Variants in CTNND2 observed in about 807,000 individuals in gnomAD.
CTNND2 encodes the protein catenin delta 2, also known as catenin delta-2.
A neutral mutation model predicts 144.4 loss-of-function variants in CTNND2; 22 were observed. The ratio of observed to expected loss-of-function variants is 0.15; its 90% CI spans 0.11 to 0.22. CTNND2 has a LOEUF of 0.22. CTNND2 is among the 10% of genes least tolerant of loss of function. CTNND2 has a pLI of 1.00. For missense variants in CTNND2, 1,353 were observed against 1,618.8 expected (o/e 0.84, Z 2.82); for synonymous variants, 751 against 695.6 (o/e 1.08, Z -1.25).
intron 9 of CTNND2, among the ~76,000 whole-genome samples, chr5:11,322,719 T>C (rs969171478): frequency 2.0e-5 from 3 of 152,210 alleles, no homozygotes; most frequent in Non-Finnish European, 4.4e-5. Flanking sequence ...TAGAACAAAA[T>C]ATATTTGTCA....
rs545486562 is a variant in CTNND2 at position 11,690,430 on chromosome 5, T to C, written c.174+41706A>G. On this transcript the variant is annotated intron_variant, in intron 2 of 21. Transcript: ENST00000304623. ...GCAAAATGAAAAGCACATCAGGTTC[T>C]GTAACTCCTTCTATTCACCTACGAT... is the stretch of plus-strand genomic sequence containing the variant. Among the ~76,000 whole-genome samples the C allele has an allele frequency of 3.9e-5, 6 of 152,328 alleles. No individual in the cohort carries two copies. The South Asian group carries it at 1.2e-3, about 32-fold the overall frequency.
At chr5:11,573,064 T>C (rs1420327976) in intron 2 of CTNND2, among the ~76,000 whole-genome samples, 1 of 152,162 alleles carries the variant, frequency 6.6e-6, no homozygotes, top group Non-Finnish European at 1.5e-5. Context: ...TTAGACTGCT[T>C]GTTACAGTTC....
intron 11 of CTNND2, among the ~76,000 whole-genome samples, chr5:11,189,132 C>A (rs190294): frequency 0.032 from 4,813 of 152,258 alleles, 244 homozygotes; most frequent in African/African-American, 0.11. Flanking sequence ...GTTCACTCCT[C>A]TACATATGAA....
At chr5:11,048,859 G>A (rs1373397906) in intron 16 of CTNND2, among the ~76,000 whole-genome samples, 1 of 152,158 alleles carries the variant, frequency 6.6e-6, no homozygotes, top group Non-Finnish European at 1.5e-5. Context: ...ATCTGGAGCC[G>A]GGTTCCTCCA....
chr5:11,500,353 G>C (rs1158248285), intron 3 of CTNND2, among the ~76,000 whole-genome samples: 1 of 152,014 alleles, frequency 6.6e-6, no homozygotes, highest in Non-Finnish European at 1.5e-5. Context: ...CTAAACATCA[G>C]TTATTAAAAT....
chr5:11,636,619 G>A (rs1757310145), intron 2 of CTNND2, among the ~76,000 whole-genome samples: 1 of 152,140 alleles, frequency 6.6e-6, no homozygotes, highest in African/African-American at 2.4e-5. Flanking sequence ...AGTTAACTCT[G>A]ACTGAAAAAG....
At chr5:11,892,310 G>A (rs368810798) in intron 1 of CTNND2, among the ~76,000 whole-genome samples, 37 of 152,222 alleles carry the variant, frequency 2.4e-4, no homozygotes, top group African/African-American at 7.9e-4. Context: ...TTGTCTTCTC[G>A]ATGCCTTCTA....
rs371631900 is a variant in CTNND2, at chr5:11,903,741, C to G, written c.37+76G>C. 7.1e-6 allele frequency: 10 copies of G among 1,414,040 alleles called. No individual in the cohort carries two copies. In the South Asian group the frequency reaches 1.2e-4, roughly 17 times the overall value. The allele number at this position is 1,414,040 out of a possible 1,614,324, so 87.6% of individuals were successfully genotyped here. On this transcript the variant is annotated intron_variant, in intron 1 of 21. Coordinates refer to ENST00000304623, the MANE Select transcript of CTNND2 (RefSeq NM_001332.4). The surrounding 1 kb of genome is among the most constrained non-coding windows in gnomAD (Gnocchi z 5.4). The stretch of plus-strand genomic sequence containing the variant: ...CCGGCCGGGAGCCCAGGACCACCCC[C>G]ACCAGCGGCAAGAGGAGGAGGACGG...
chr5:11,859,591 C>T (rs1428881564), intron 1 of CTNND2, among the ~76,000 whole-genome samples: 1 of 152,046 alleles, frequency 6.6e-6, no homozygotes, highest in Admixed American at 6.6e-5. Flanking sequence ...CAGGAAAGGC[C>T]CTAGAGACCT....
chr5:11,080,873 C>T (rs1056312494), intron 16 of CTNND2, among the ~76,000 whole-genome samples: 6 of 152,092 alleles, frequency 3.9e-5, no homozygotes, highest in African/African-American at 1.2e-4. Context: ...GTCAGGAGTT[C>T]GAGACCATCC....
At chr5:11,498,380 C>T (rs935448342) in intron 3 of CTNND2, among the ~76,000 whole-genome samples, 3 of 152,096 alleles carry the variant, frequency 2.0e-5, no homozygotes, top group African/African-American at 7.2e-5. Context: ...TGATCATGAA[C>T]TCTAACACTA....
chr5:11,512,617 A>T (rs541006315), intron 3 of CTNND2, among the ~76,000 whole-genome samples: 1 of 152,296 alleles, frequency 6.6e-6, no homozygotes, highest in South Asian at 2.1e-4. Flanking sequence ...AATTTTCCCA[A>T]TGTGGCATAT....
intron 3 of CTNND2, among the ~76,000 whole-genome samples, chr5:11,508,910 C>CAA (rs767354627): frequency 8.3e-6 from 1 of 121,162 alleles, no homozygotes; most frequent in African/African-American, 3.1e-5. Context: ...GACTCGTTTT[C>CAA]AAAAAAAAAA....
chr5:11,218,091 GTCTTTTTTCTTTTTTC>G (rs1435803473), intron 10 of CTNND2, among the ~76,000 whole-genome samples: 2 of 136,172 alleles, frequency 1.5e-5, no homozygotes, highest in Non-Finnish European at 3.1e-5. Context: ...CTCTTCATCT[GTCTTTTTTCTTTTTTC>G]TCTTTTTTTT....
intron 15 of CTNND2, among the ~76,000 whole-genome samples, chr5:11,089,107 G>T (rs1750485310): frequency 1.3e-5 from 2 of 152,200 alleles, no homozygotes; most frequent in Admixed American, 1.3e-4. Flanking sequence ...CATTGAAGAT[G>T]GCAGAACAGC....
chr5:11,505,152 T>G (rs915564477), intron 3 of CTNND2, among the ~76,000 whole-genome samples: 2 of 151,772 alleles, frequency 1.3e-5, no homozygotes, highest in African/African-American at 4.8e-5. Flanking sequence ...TATCAAAAAC[T>G]GTTAACATTT....
intron 1 of CTNND2, among the ~76,000 whole-genome samples, chr5:11,758,332 C>G (rs982920510): frequency 6.6e-6 from 1 of 151,738 alleles, no homozygotes; most frequent in Non-Finnish European, 1.5e-5. Flanking sequence ...ACATTTATAA[C>G]CATAAATTTT....
At chr5:11,469,354 C>G (rs895862183) in intron 3 of CTNND2, among the ~76,000 whole-genome samples, 1 of 152,092 alleles carries the variant, frequency 6.6e-6, no homozygotes, top group African/African-American at 2.4e-5. Flanking sequence ...GAAGATCAGC[C>G]AATATCAGTT....
At chr5:11,545,932 T>A (rs1016826738) in intron 3 of CTNND2, among the ~76,000 whole-genome samples, 1 of 152,314 alleles carries the variant, frequency 6.6e-6, no homozygotes, top group East Asian at 1.9e-4. Context: ...TATCTATACA[T>A]ACCTATATCA....
Sources: gnomAD v4.1 joint callset for allele counts (sites outside exome capture counted in the v4.1 genomes callset) on GRCh38, gnomAD v4.1.1 for gene constraint, Gnocchi (gnomAD v3.1) non-coding constraint, MANE v1.5 for transcripts, NCBI Gene and HGNC (gene_info 2026-07-23, HGNC 2026-07-21) for gene names.